The following SLC35D4 variants were observed in gnomAD, a reference collection of about 807,000 sequenced individuals.
SLC35D4 encodes UDP-N-acetylglucosamine transporter SLC35D4.
the SLC35D4 span, among the ~76,000 whole-genome samples, chr18:23,263,908 C>T: frequency 1.3e-5 from 2 of 152,206 alleles, no homozygotes; most frequent in Non-Finnish European, 2.9e-5. Flanking sequence ...GTGTCAGGTG[C>T]GCTGAAAGGC....
At chr18:23,305,955 C>T in the SLC35D4 span, among the ~76,000 whole-genome samples, 2 of 152,228 alleles carry the variant, frequency 1.3e-5, no homozygotes, top group African/African-American at 2.4e-5. Flanking sequence ...CAAAGCCACA[C>T]AAGATGCACG....
chr18:23,436,916 C>A, the SLC35D4 span, among the ~76,000 whole-genome samples: 1 of 152,210 alleles, frequency 6.6e-6, no homozygotes, highest in Non-Finnish European at 1.5e-5. Flanking sequence ...GTCGATGGTT[C>A]TTTTCCAGAG....
chr18:23,297,929 T>C, the SLC35D4 span: 1 of 1,543,800 alleles, frequency 6.5e-7, no homozygotes, highest in Non-Finnish European at 8.9e-7. Flanking sequence ...CAGGGAGCTA[T>C]GAGACCAGGG....
chr18:23,437,806 T>C, the SLC35D4 span: 200 of 1,611,976 alleles, frequency 1.2e-4, no homozygotes, highest in Non-Finnish European at 1.6e-4. Context: ...AGAAGCCAGG[T>C]AGCAGGTACA....
At chr18:23,325,757 G>A in the SLC35D4 span, among the ~76,000 whole-genome samples, 1 of 152,150 alleles carries the variant, frequency 6.6e-6, no homozygotes, top group Non-Finnish European at 1.5e-5. Context: ...CTTCATGAAA[G>A]CTAAATATAT....
chr18:23,411,259 G>A, the SLC35D4 span, among the ~76,000 whole-genome samples: 1 of 145,174 alleles, frequency 6.9e-6, no homozygotes, highest in Non-Finnish European at 1.5e-5. Flanking sequence ...GGGAAGGGCA[G>A]GGAGAGAGAA....
the SLC35D4 span, among the ~76,000 whole-genome samples, chr18:23,290,691 T>A: frequency 2.0e-5 from 3 of 151,686 alleles, no homozygotes; most frequent in African/African-American, 7.3e-5. Flanking sequence ...CAATGGCGCA[T>A]CCTTGACCCA....
At chr18:23,338,856 T>G in the SLC35D4 span, among the ~76,000 whole-genome samples, 2 of 152,118 alleles carry the variant, frequency 1.3e-5, no homozygotes, top group Non-Finnish European at 2.9e-5. Context: ...ATGAACACCA[T>G]TCCATCCTAA....
chr18:23,294,923 G>T, the SLC35D4 span, among the ~76,000 whole-genome samples: 5 of 152,092 alleles, frequency 3.3e-5, no homozygotes, highest in Non-Finnish European at 7.4e-5. Flanking sequence ...CTGGAAAGAG[G>T]ACTGGGTTTA....
chr18:23,269,932 C>T, the SLC35D4 span, among the ~76,000 whole-genome samples: 3 of 152,124 alleles, frequency 2.0e-5, no homozygotes, highest in African/African-American at 4.8e-5. Context: ...TGCAGCCTGA[C>T]GATGTGATAG....
At chr18:23,255,357 G>C in the SLC35D4 span, among the ~76,000 whole-genome samples, 4 of 152,054 alleles carry the variant, frequency 2.6e-5, no homozygotes, top group South Asian at 8.3e-4. Flanking sequence ...CAGTGGCAAA[G>C]GCAAAAAAGC....
At chr18:23,395,462 G>A in the SLC35D4 span, among the ~76,000 whole-genome samples, 2 of 152,154 alleles carry the variant, frequency 1.3e-5, no homozygotes, top group African/African-American at 4.8e-5. Flanking sequence ...AAGCCATTAG[G>A]AAGGACCAAG....
the SLC35D4 span, chr18:23,253,802 G>A: frequency 4.3e-5 from 70 of 1,614,114 alleles, no homozygotes; most frequent in Admixed American, 2.7e-4. Flanking sequence ...CATGGCCTTC[G>A]TCTACTTTGA....
At chr18:23,301,772 G>A in the SLC35D4 span, among the ~76,000 whole-genome samples, 5 of 152,178 alleles carry the variant, frequency 3.3e-5, no homozygotes, top group South Asian at 6.2e-4. Flanking sequence ...CAAGGATACC[G>A]CTCTCAGGTC....
chr18:23,365,618 C>T, the SLC35D4 span: 1 of 1,613,306 alleles, frequency 6.2e-7, no homozygotes, highest in Non-Finnish European at 8.5e-7. Flanking sequence ...CAAAACAACA[C>T]TCCGGGGGCA....
chr18:23,431,565 A>AT, the SLC35D4 span, among the ~76,000 whole-genome samples: 22 of 151,518 alleles, frequency 1.5e-4, no homozygotes, highest in East Asian at 1.2e-3. Flanking sequence ...GTATTAAATG[A>AT]TTTTTTTTCA....
the SLC35D4 span, among the ~76,000 whole-genome samples, chr18:23,300,061 G>C: frequency 3.9e-5 from 6 of 152,170 alleles, no homozygotes; most frequent in East Asian, 1.2e-3. Flanking sequence ...AGTTCCCAAC[G>C]ACCCTATTTG....
At chr18:23,275,038 TTG>T in the SLC35D4 span, among the ~76,000 whole-genome samples, 15 of 26,006 alleles carry the variant, frequency 5.8e-4, no homozygotes, top group African/African-American at 2.1e-3. Flanking sequence ...TGCTTGTATT[TTG>T]TGTGTGAGTG....
chr18:23,275,652 C>T, the SLC35D4 span, among the ~76,000 whole-genome samples: 1 of 126,920 alleles, frequency 7.9e-6, no homozygotes, highest in Non-Finnish European at 1.7e-5. Flanking sequence ...CTGTGCTGTG[C>T]TGTGCTTTGT....
Sources: gnomAD v4.1 joint callset for allele counts (sites outside exome capture counted in the v4.1 genomes callset) on GRCh38, gnomAD v4.1.1 for gene constraint, MANE v1.5 for transcripts, NCBI Gene and HGNC (gene_info 2026-07-23, HGNC 2026-07-21) for gene names.